The following OXR1 variants were observed in gnomAD, a reference collection of about 807,000 sequenced individuals.
OXR1 encodes the protein oxidation resistance protein 1.
OXR1 carries 41 observed loss-of-function variants against 104.6 expected under a neutral mutation model. The observed-to-expected ratio is 0.39, with a 90% CI of 0.31 to 0.51. The LOEUF (loss-of-function observed/expected upper bound fraction) is 0.51. Ranked by LOEUF, OXR1 falls within the 20% of genes least tolerant of loss-of-function variation. The probability of loss-of-function intolerance (pLI) is 0.77; values close to 1 mark genes in which losing one functional copy is unlikely to be tolerated. For synonymous variants in OXR1, 348 were observed against 348.4 expected (o/e 1.00, Z 0.01); for missense variants, 955 against 1,031.9 (o/e 0.93, Z 1.02).
chr8:106,638,324 G>C (rs939363124), intron 3 of OXR1, among the ~76,000 whole-genome samples: 1 of 143,496 alleles, frequency 7.0e-6, no homozygotes, highest in Non-Finnish European at 1.6e-5. Context: ...AAGCCATGTC[G>C]TATTTTATCT....
intron 3 of OXR1, among the ~76,000 whole-genome samples, chr8:106,587,746 C>A (rs913500060): frequency 1.3e-5 from 2 of 152,008 alleles, no homozygotes; most frequent in Non-Finnish European, 2.9e-5. Context: ...TCTCTTCTTG[C>A]ATGTTTTCTT....
intron 11 of OXR1, among the ~76,000 whole-genome samples, chr8:106,715,839 A>G (rs1832190190): frequency 6.6e-6 from 1 of 152,198 alleles, no homozygotes; most frequent in African/African-American, 2.4e-5. Flanking sequence ...TTCTAAAGGA[A>G]AAATAAATCT....
rs781424263 is a variant in OXR1, at chr8:106,739,541, A to G, written c.2121A>G (p.Leu707=). ...AGTCTGAATCTTTTCGACCAAACCT[A>G]AGTGATCCCAGTGAACTTTTACTGC... ...DLESESFRPN[L]SDPSELLLPD... The change falls in exon 13 of 17, where the codon CTA becomes CTG. Residue 707 remains leucine, a synonymous_variant. Transcript: ENST00000517566. 6.2e-7 allele frequency: 1 copy of G among 1,613,482 alleles called. No individual in the cohort carries two copies. The highest frequency in any genetic ancestry group is 8.5e-7 in the Non-Finnish European group (1 of 1,179,626).
intron 1 of OXR1, among the ~76,000 whole-genome samples, chr8:106,280,530 A>C (rs908231651): frequency 5.9e-5 from 9 of 152,232 alleles, no homozygotes; most frequent in Middle Eastern, 3.4e-3. Context: ...CTCTGACTCA[A>C]ATTCATAGAG....
At chr8:106,288,608 A>C (rs13272386) in intron 1 of OXR1, among the ~76,000 whole-genome samples, 2 of 148,428 alleles carry the variant, frequency 1.3e-5, no homozygotes, top group African/African-American at 4.9e-5. Flanking sequence ...TATACTCTCT[A>C]TATATTTATA....
chr8:106,520,063 T>C lies in OXR1; in HGVS notation c.220+924T>C, dbSNP rs572977971. 6.9e-4 allele frequency among the ~76,000 whole-genome samples: 105 copies of C among 152,182 alleles called. 1 individual carries two copies. Among genetic ancestry groups the C allele is most frequent in the South Asian group, 1.7e-3 (8 of 4,822 alleles). On this transcript the variant is annotated intron_variant, in intron 3 of 16. Transcript: ENST00000517566. Reference sequence around the variant, plus strand: ...GCTTGTTACTTCAATTTGGAGAGATTTGGTCACATCCAAAAGCTGTAATAG... The same window carrying C: ...GCTTGTTACTTCAATTTGGAGAGATCTGGTCACATCCAAAAGCTGTAATAG...
At chr8:106,743,834 G>A (rs1159935246) in intron 15 of OXR1, among the ~76,000 whole-genome samples, 7 of 152,120 alleles carry the variant, frequency 4.6e-5, no homozygotes, top group Non-Finnish European at 8.8e-5. Context: ...CAATAGCAAA[G>A]ACATGGAATC....
At chr8:106,301,707 A>T (rs1203492206) in intron 1 of OXR1, among the ~76,000 whole-genome samples, 3 of 152,190 alleles carry the variant, frequency 2.0e-5, no homozygotes, top group Admixed American at 6.5e-5. Flanking sequence ...TTGAACTTTA[A>T]TTTCCTTATC....
At chr8:106,681,261 A>C (rs1310592880) in intron 4 of OXR1, among the ~76,000 whole-genome samples, 1 of 152,190 alleles carries the variant, frequency 6.6e-6, no homozygotes. Context: ...TTGTTTACAG[A>C]GACCTTTTAT....
intron 2 of OXR1, among the ~76,000 whole-genome samples, chr8:106,379,537 C>CTTTTTTT (rs60855438): frequency 9.9e-4 from 107 of 108,374 alleles, no homozygotes; most frequent in African/African-American, 1.4e-3. Context: ...TTCTTTCTTT[C>CTTTTTTT]TTTTTTTTTT....
At chr8:106,486,175 CA>C (rs1810639416) in intron 2 of OXR1, among the ~76,000 whole-genome samples, 1 of 152,044 alleles carries the variant, frequency 6.6e-6, no homozygotes, top group Admixed American at 6.6e-5. Flanking sequence ...CTGATTTAGC[CA>C]TTCCACAAGG....
intron 2 of OXR1, among the ~76,000 whole-genome samples, chr8:106,483,813 T>TG (rs1822281067): frequency 6.6e-6 from 1 of 152,032 alleles, no homozygotes; most frequent in Non-Finnish European, 1.5e-5. Flanking sequence ...GGAGACTATC[T>TG]GGGGAACCAA....
chr8:106,643,535 C>T (rs1823835537), intron 3 of OXR1, among the ~76,000 whole-genome samples: 1 of 151,966 alleles, frequency 6.6e-6, no homozygotes, highest in African/African-American at 2.4e-5. Context: ...ACTATTTGCT[C>T]TTATTTTACA....
intron 2 of OXR1, among the ~76,000 whole-genome samples, chr8:106,438,130 T>C (rs1819651351): frequency 6.6e-6 from 1 of 152,158 alleles, no homozygotes; most frequent in Admixed American, 6.6e-5. Flanking sequence ...CATTGTAATA[T>C]GTGTGGATCT....
At chr8:106,307,026 G>A (rs1451285649) in intron 1 of OXR1, among the ~76,000 whole-genome samples, 3 of 152,140 alleles carry the variant, frequency 2.0e-5, no homozygotes, top group Non-Finnish European at 4.4e-5. Context: ...AGCAGGAGAA[G>A]GGGATACCAA....
At chr8:106,682,529 A>C (rs1470071747) in intron 4 of OXR1, 1 of 154,324 alleles carries the variant, frequency 6.5e-6, no homozygotes, top group Non-Finnish European at 1.5e-5. Context: ...CGGCCTCTCA[A>C]AGTGCTGGGA....
At chr8:106,585,476 T>G (rs1414932131) in intron 3 of OXR1, among the ~76,000 whole-genome samples, 1 of 152,162 alleles carries the variant, frequency 6.6e-6, no homozygotes, top group Non-Finnish European at 1.5e-5. Context: ...AATTCAGTAC[T>G]CTTTTAAAAT....
chr8:106,729,148 A>AT (rs1205569256), intron 11 of OXR1, among the ~76,000 whole-genome samples: 1 of 152,124 alleles, frequency 6.6e-6, no homozygotes, highest in Non-Finnish European at 1.5e-5. Flanking sequence ...AATATGAGTT[A>AT]CCTTATTTAA....
At chr8:106,342,451 C>T (rs558573843) in intron 1 of OXR1, among the ~76,000 whole-genome samples, 197 of 151,998 alleles carry the variant, frequency 1.3e-3, no homozygotes, top group African/African-American at 4.2e-3. Context: ...GATGGGGTTT[C>T]GCCATTTTGG....
Sources: gnomAD v4.1 joint callset for allele counts (sites outside exome capture counted in the v4.1 genomes callset) on GRCh38, gnomAD v4.1.1 for gene constraint, MANE v1.5 for transcripts, NCBI Gene and HGNC (gene_info 2026-07-23, HGNC 2026-07-21) for gene names.